Variants in NIM1K observed in about 807,000 individuals in gnomAD.
NIM1K encodes NIM1 serine/threonine protein kinase, also known as serine/threonine-protein kinase NIM1.
A neutral mutation model predicts 37.1 loss-of-function variants in NIM1K; 35 were observed. The ratio of observed to expected loss-of-function variants is 0.94; its 90% confidence interval spans 0.72 to 1.25. The LOEUF is 1.25. Ranked by LOEUF, NIM1K falls within the 50% of genes most tolerant of loss-of-function variation. The pLI is 0.00. For missense variants in NIM1K, 564 were observed against 548.0 expected (o/e 1.03, Z -0.29); for synonymous variants, 234 against 206.6 (o/e 1.13, Z -1.14).
At chr5:43,216,559 A>T (rs899021207) in intron 1 of NIM1K, among the ~76,000 whole-genome samples, 3 of 152,220 alleles carry the variant, frequency 2.0e-5, no homozygotes, top group Non-Finnish European at 4.4e-5. Flanking sequence ...GTGAGCAAGA[A>T]GTATTTTGGT....
intron 1 of NIM1K, among the ~76,000 whole-genome samples, chr5:43,220,014 C>A (rs933942214): frequency 6.6e-6 from 1 of 151,988 alleles, no homozygotes; most frequent in Non-Finnish European, 1.5e-5. Flanking sequence ...CGTGAGCCAC[C>A]GTGCCCAGCC....
rs567181614 is a variant in NIM1K at position 43,260,121 on chromosome 5, T to C, written c.292+14054T>C. Among the ~76,000 whole-genome samples, 10 of 152,290 alleles carry C rather than the reference T, an allele frequency of 6.6e-5. No individual in the cohort carries two copies. In the East Asian group the frequency reaches 1.2e-3, roughly 18 times the overall value. ...AAAAAAAGAGAAAAATCTACGAGTC[T>C]TTTGAAGGAATCTTTAGGGTTTTCT... On this transcript the variant is annotated intron_variant, in intron 2 of 3. Coordinates refer to ENST00000326035, the MANE Select transcript of NIM1K (RefSeq NM_153361.4).
chr5:43,262,593 C>T (rs947041293), intron 2 of NIM1K, among the ~76,000 whole-genome samples: 1 of 152,050 alleles, frequency 6.6e-6, no homozygotes, highest in African/African-American at 2.4e-5. Context: ...ATTGAATAGC[C>T]TTTATTTCTT....
At chr5:43,276,086 G>A (rs1318607876) in intron 2 of NIM1K, among the ~76,000 whole-genome samples, 1 of 151,912 alleles carries the variant, frequency 6.6e-6, no homozygotes, top group Non-Finnish European at 1.5e-5. Flanking sequence ...GTAGAGATAG[G>A]GTTTCACCAT....
At position 43,280,111 on chromosome 5, in the gene NIM1K, T is replaced by C. The variant is rs140730925; in HGVS notation, c.693T>C (p.Cys231=). The change falls in exon 4 of 4, where the codon TGT becomes TGC. Residue 231 remains cysteine, a synonymous_variant. Coordinates refer to ENST00000326035, the MANE Select transcript of NIM1K (RefSeq NM_153361.4). ...AAGGTGAAATGCTGAACACTTTCTGTGGGTCTCCTCCCTACGCTGCGCCTG... is the reference window on the plus strand; with the variant it reads ...AAGGTGAAATGCTGAACACTTTCTGCGGGTCTCCTCCCTACGCTGCGCCTG... ...SKKGEMLNTF[C]GSPPYAAPEL... 6.2e-6 allele frequency: 10 copies of C among 1,614,098 alleles called. No homozygotes were observed. The highest frequency in any genetic ancestry group is 1.7e-5 in the Admixed American group (1 of 60,008).
intron 1 of NIM1K, among the ~76,000 whole-genome samples, chr5:43,240,699 T>G (rs1392633819): frequency 4.0e-5 from 6 of 151,854 alleles, no homozygotes; most frequent in Admixed American, 3.9e-4. Context: ...CATGCCTGGC[T>G]AATTTCTTTG....
intron 2 of NIM1K, among the ~76,000 whole-genome samples, chr5:43,255,520 G>A (rs1752929905): frequency 1.3e-5 from 2 of 152,176 alleles, no homozygotes; most frequent in African/African-American, 4.8e-5. Flanking sequence ...GGAGGCCAAG[G>A]TGGGTGGATT....
At chr5:43,277,973 C>T (rs1206577278) in intron 3 of NIM1K, among the ~76,000 whole-genome samples, 1 of 151,492 alleles carries the variant, frequency 6.6e-6, no homozygotes, top group Non-Finnish European at 1.5e-5. Flanking sequence ...TCCTGCCTGC[C>T]TTCCACCCTT....
At chr5:43,222,953 A>G (rs1369107559) in intron 1 of NIM1K, among the ~76,000 whole-genome samples, 1 of 152,104 alleles carries the variant, frequency 6.6e-6, no homozygotes, top group East Asian at 1.9e-4. Flanking sequence ...AGCCTGACCA[A>G]CACGGCGAAA....
At chr5:43,217,234 T>C (rs986342771) in intron 1 of NIM1K, among the ~76,000 whole-genome samples, 7 of 152,344 alleles carry the variant, frequency 4.6e-5, no homozygotes, top group Admixed American at 1.3e-4. Context: ...TGTGGTCCTT[T>C]GTGACTGGTT....
intron 1 of NIM1K, chr5:43,207,188 G>T (rs1749000528): frequency 1.1e-5 from 8 of 743,048 alleles, no homozygotes; most frequent in Non-Finnish European, 2.0e-5. Context: ...CCTGAGTGGG[G>T]ATGTTAATTT....
intron 2 of NIM1K, among the ~76,000 whole-genome samples, chr5:43,263,880 C>A (rs925506716): frequency 1.3e-5 from 2 of 152,088 alleles, no homozygotes; most frequent in Non-Finnish European, 2.9e-5. Flanking sequence ...TGTTATGTAT[C>A]CAGTAGTCAT....
chr5:43,262,456 T>C (rs1753046005), intron 2 of NIM1K, among the ~76,000 whole-genome samples: 1 of 152,228 alleles, frequency 6.6e-6, no homozygotes, highest in African/African-American at 2.4e-5. Flanking sequence ...CACACTGATT[T>C]TGTATCCTGA....
intron 2 of NIM1K, among the ~76,000 whole-genome samples, chr5:43,265,240 A>T (rs1753123052): frequency 6.6e-6 from 1 of 152,164 alleles, no homozygotes; most frequent in African/African-American, 2.4e-5. Context: ...TCTCTCCGTC[A>T]CTTTCAGGTA....
intron 2 of NIM1K, among the ~76,000 whole-genome samples, chr5:43,271,771 C>T (rs186659139): frequency 2.6e-5 from 4 of 152,288 alleles, no homozygotes; most frequent in African/African-American, 7.2e-5. Flanking sequence ...AGATACAGGA[C>T]AAGTCCATTA....
rs757205793 is a variant in NIM1K, at chr5:43,280,147, G to A, written c.729G>A (p.Arg243=). The change falls in exon 4 of 4, where the codon CGG becomes CGA. Residue 243 remains arginine (R), a synonymous_variant. Transcript: ENST00000326035. The part of the protein sequence containing the change: ...SPPYAAPELF[R]DEHYIGIYVD... ...CCTACGCTGCGCCTGAACTCTTCCG[G>A]GACGAGCACTACATCGGCATTTACG... 5.0e-6 allele frequency: 8 copies of A among 1,614,050 alleles called. No homozygotes were observed. In the South Asian group the frequency reaches 8.8e-5, roughly 18 times the overall value.
At chr5:43,268,350 AG>A (rs1469824396) in intron 2 of NIM1K, among the ~76,000 whole-genome samples, 3 of 152,208 alleles carry the variant, frequency 2.0e-5, no homozygotes, top group Non-Finnish European at 4.4e-5. Context: ...ATCTCATCAA[AG>A]GCTTGTTGGT....
chr5:43,268,440 G>C (rs1032537107), intron 2 of NIM1K, among the ~76,000 whole-genome samples: 2 of 152,006 alleles, frequency 1.3e-5, no homozygotes, highest in Admixed American at 6.6e-5. Context: ...GTTTGGGTTG[G>C]AGATGAAATC....
chr5:43,200,874 C>T (rs909451591), intron 1 of NIM1K, among the ~76,000 whole-genome samples: 17 of 152,062 alleles, frequency 1.1e-4, no homozygotes, highest in Non-Finnish European at 1.8e-4. Context: ...GCCTGTAATC[C>T]CAGCACTTTA....
Sources: allele counts gnomAD v4.1 joint callset (sites outside exome capture counted in the v4.1 genomes callset), GRCh38; gene constraint gnomAD v4.1.1; transcripts MANE v1.5; gene names NCBI Gene and HGNC (gene_info 2026-07-23, HGNC 2026-07-21).